NTM: variants seen among roughly 807,000 people sequenced by gnomAD.
NTM encodes the protein neurotrimin.
A neutral mutation model predicts 42.1 loss-of-function variants in NTM; 13 were observed. The observed-to-expected ratio is 0.31, with a 90% CI of 0.20 to 0.49. NTM has a LOEUF of 0.49. NTM is among the 20% of genes least tolerant of loss of function. The pLI, the probability that NTM is intolerant of heterozygous loss-of-function variation, is 0.99. For synonymous variants in NTM, 187 were observed against 179.2 expected, an observed-to-expected ratio of 1.04 and a Z score of -0.35; for missense variants, 373 against 452.8, an observed-to-expected ratio of 0.82 and a Z score of 1.60.
chr11:131,477,933 GC>G (rs1953125810), intron 1 of NTM, among the ~76,000 whole-genome samples: 1 of 151,696 alleles, frequency 6.6e-6, no homozygotes, highest in Admixed American at 6.6e-5. Context: ...AGTGGAACCT[GC>G]TCTCTACCTT....
At chr11:132,113,344 T>C (rs1212542229) in intron 2 of NTM, among the ~76,000 whole-genome samples, 2 of 152,210 alleles carry the variant, frequency 1.3e-5, no homozygotes, top group Non-Finnish European at 2.9e-5. Context: ...AATAGTATTT[T>C]CATCCAGAGA....
At chr11:131,750,789 G>A (rs766827037) in intron 1 of NTM, among the ~76,000 whole-genome samples, 20 of 152,170 alleles carry the variant, frequency 1.3e-4, no homozygotes, top group Non-Finnish European at 2.2e-4. Context: ...TGCTTCTCCT[G>A]TTTACCTAGC....
chr11:132,158,042 C>T (rs929833752), intron 3 of NTM, among the ~76,000 whole-genome samples: 50 of 152,140 alleles, frequency 3.3e-4, no homozygotes, highest in African/African-American at 1.1e-3. Flanking sequence ...TATTCCCTAT[C>T]GTCTGTTCTC....
chr11:132,290,310 G>A (rs2094413783), intron 4 of NTM, among the ~76,000 whole-genome samples: 1 of 151,692 alleles, frequency 6.6e-6, no homozygotes, highest in Admixed American at 6.6e-5. Flanking sequence ...CACCATCAGT[G>A]AGCAGACATC....
chr11:132,173,590 T>C (rs1398393115), intron 3 of NTM, among the ~76,000 whole-genome samples: 1 of 152,252 alleles, frequency 6.6e-6, no homozygotes, highest in Non-Finnish European at 1.5e-5. Context: ...CAGTTATTCA[T>C]GTGATTACAT....
At chr11:132,125,508 G>A (rs1467267052) in intron 2 of NTM, among the ~76,000 whole-genome samples, 7 of 145,670 alleles carry the variant, frequency 4.8e-5, no homozygotes, top group African/African-American at 1.5e-4. Flanking sequence ...TGGTGTGGTG[G>A]TGTATGTGGT....
chr11:131,601,812 A>G (rs2060510937), intron 1 of NTM, among the ~76,000 whole-genome samples: 1 of 152,136 alleles, frequency 6.6e-6, no homozygotes, highest in African/African-American at 2.4e-5. Context: ...ATATTTATCC[A>G]TTTATTCAAC....
rs553854208 is a variant in NTM, at chr11:132,068,471, A to AT, written c.168-77804dup. ...TCTAGTTTCCAACAACATGCTTCTAATTTTTTTCTGAGACCTCACCAGAAG... is the reference window on the plus strand; with the variant it reads ...TCTAGTTTCCAACAACATGCTTCTAATTTTTTTTCTGAGACCTCACCAGAAG... On this transcript the variant is annotated intron_variant, in intron 2 of 8. Coordinates refer to ENST00000683400, the MANE Select transcript of NTM (RefSeq NM_001352005.2). Among the ~76,000 whole-genome samples, 13 of 152,200 alleles carry AT rather than the reference A, an allele frequency of 8.5e-5. 1 individual carries two copies. In the South Asian group the frequency reaches 2.5e-3, roughly 29 times the overall value.
chr11:131,896,158 G>A (rs577444259), intron 1 of NTM, among the ~76,000 whole-genome samples: 56 of 152,240 alleles, frequency 3.7e-4, no homozygotes, highest in Non-Finnish European at 6.3e-4. Flanking sequence ...GTGAAATGCC[G>A]TACATCTGCT....
intron 2 of NTM, among the ~76,000 whole-genome samples, chr11:132,033,000 G>T (rs530106957): frequency 6.6e-6 from 1 of 152,284 alleles, no homozygotes; most frequent in East Asian, 1.9e-4. Flanking sequence ...TTGGATTAAT[G>T]AACCCAACCA....
chr11:132,001,872 G>T (rs933206101), intron 2 of NTM, among the ~76,000 whole-genome samples: 11 of 151,964 alleles, frequency 7.2e-5, no homozygotes, highest in African/African-American at 2.7e-4. Context: ...ATGATATTAA[G>T]GACAAACAAT....
At chr11:131,993,836 T>C (rs1048234577) in intron 2 of NTM, among the ~76,000 whole-genome samples, 1 of 151,834 alleles carries the variant, frequency 6.6e-6, no homozygotes, top group Non-Finnish European at 1.5e-5. Context: ...ACCCCATCTC[T>C]ACTAAAAATA....
At chr11:132,170,862 G>A (rs914463844) in intron 3 of NTM, among the ~76,000 whole-genome samples, 2 of 152,328 alleles carry the variant, frequency 1.3e-5, no homozygotes, top group Middle Eastern at 3.4e-3. Context: ...GAAAATGAGT[G>A]ATAAATGGTC....
At chr11:132,254,256 C>A (rs552912115) in intron 4 of NTM, among the ~76,000 whole-genome samples, 1 of 152,044 alleles carries the variant, frequency 6.6e-6, no homozygotes, top group African/African-American at 2.4e-5. Flanking sequence ...AGTGTCTCCC[C>A]GCAACCCGTC....
chr11:131,437,769 C>A (rs1303340101), intron 1 of NTM, among the ~76,000 whole-genome samples: 1 of 152,162 alleles, frequency 6.6e-6, no homozygotes, highest in Non-Finnish European at 1.5e-5. Context: ...TTAAGTGGGG[C>A]ATTTAGCCCA....
chr11:131,471,306 C>T lies in NTM; in HGVS notation c.82+100418C>T, dbSNP rs764139122. On this transcript the variant is annotated intron_variant, in intron 1 of 8. Transcript: ENST00000683400. The stretch of plus-strand genomic sequence containing the variant: ...GGAAGTTTTCCTTGGTTAATCCAAT[C>T]GCTCATTCAACCAGTTTTTACGGAG... Among the ~76,000 whole-genome samples, 34 of 152,318 alleles carry T rather than the reference C, an allele frequency of 2.2e-4. 1 individual carries two copies. Among genetic ancestry groups the T allele is most frequent in the Admixed American group, 1.4e-3 (22 of 15,306 alleles).
intron 1 of NTM, among the ~76,000 whole-genome samples, chr11:131,638,621 T>G (rs1014015684): frequency 1.3e-5 from 2 of 148,502 alleles, no homozygotes; most frequent in Admixed American, 6.7e-5. Flanking sequence ...TAAAGAAAAC[T>G]TTTCTGGAAT....
At chr11:131,517,797 CTT>C (rs1049692738) in intron 1 of NTM, among the ~76,000 whole-genome samples, 1 of 152,174 alleles carries the variant, frequency 6.6e-6, no homozygotes, top group African/African-American at 2.4e-5. Context: ...AGCCCCCACT[CTT>C]TTGAACTTCC....
intron 3 of NTM, among the ~76,000 whole-genome samples, chr11:132,172,160 G>A (rs1238962163): frequency 6.6e-6 from 1 of 152,208 alleles, no homozygotes; most frequent in Non-Finnish European, 1.5e-5. Flanking sequence ...GGTCCAAACA[G>A]CTATTGTTGA....
Sources: allele counts gnomAD v4.1 joint callset (sites outside exome capture counted in the v4.1 genomes callset), GRCh38; gene constraint gnomAD v4.1.1; transcripts MANE v1.5; gene names NCBI Gene and HGNC (gene_info 2026-07-23, HGNC 2026-07-21).